The following CLIP1 variants were observed in gnomAD, a reference collection of about 807,000 sequenced individuals.
The protein encoded by CLIP1 is CAP-Gly domain-containing linker protein 1.
Under a neutral mutation model 161.6 loss-of-function variants are expected in CLIP1, and 66 were observed. The observed-to-expected ratio is 0.41, with a 90% confidence interval of 0.33 to 0.50. The LOEUF is 0.50. CLIP1 is among the 20% of genes least tolerant of loss of function. The pLI is 0.27. For missense variants in CLIP1, 1,376 were observed against 1,702.0 expected, an observed-to-expected ratio of 0.81 and a Z score of 3.37; for synonymous variants, 598 against 626.2, an observed-to-expected ratio of 0.96 and a Z score of 0.67.
chr12:122,389,987 T>C (rs768257618), intron 1 of CLIP1, among the ~76,000 whole-genome samples: 1 of 148,128 alleles, frequency 6.8e-6, no homozygotes, highest in Non-Finnish European at 1.5e-5. Context: ...TGGCACTTCC[T>C]CTCCCTCATT....
At chr12:122,374,386 C>T (rs1488215370) in intron 3 of CLIP1, among the ~76,000 whole-genome samples, 7 of 146,116 alleles carry the variant, frequency 4.8e-5, no homozygotes, top group Middle Eastern at 3.6e-3. Flanking sequence ...TTTGGGAGGC[C>T]GAGGCAGGCA....
rs576220992 is a variant in CLIP1, at chr12:122,273,475, T to A, written c.4092-375A>T. ...CAAGTTAGCCAAGTTGGTCTTGAAC[T>A]CCTGACCCCAGGTGATCTGCCCACC... On this transcript the variant is annotated intron_variant, in intron 25 of 25. Coordinates refer to ENST00000620786, the MANE Select transcript of CLIP1 (RefSeq NM_001247997.2). Among the ~76,000 whole-genome samples the A allele has an allele frequency of 9.2e-5, 14 of 152,254 alleles. No homozygotes were observed. In the East Asian group the frequency reaches 2.7e-3, roughly 29 times the overall value.
intron 15 of CLIP1, among the ~76,000 whole-genome samples, chr12:122,332,470 G>A (rs896459134): frequency 3.3e-5 from 5 of 151,752 alleles, no homozygotes; most frequent in Non-Finnish European, 5.9e-5. Flanking sequence ...GCCCAGGCTA[G>A]AGTGCAGTGG....
intron 1 of CLIP1, among the ~76,000 whole-genome samples, chr12:122,398,154 G>T (rs901955311): frequency 6.6e-6 from 1 of 151,368 alleles, no homozygotes; most frequent in Non-Finnish European, 1.5e-5. Flanking sequence ...GGTGGCTCAT[G>T]CCTGTAATCG....
intron 11 of CLIP1, among the ~76,000 whole-genome samples, chr12:122,339,376 C>T (rs1324173807): frequency 2.0e-5 from 3 of 152,070 alleles, no homozygotes; most frequent in Admixed American, 6.6e-5. Context: ...CTTGCTCTGT[C>T]GCCCAGGATG....
chr12:122,394,710 ACCG>A (rs1955836376), intron 1 of CLIP1, among the ~76,000 whole-genome samples: 2 of 149,314 alleles, frequency 1.3e-5, no homozygotes, highest in East Asian at 2.0e-4. Flanking sequence ...ACATGGTGGA[ACCG>A]CATCTCTACT....
chr12:122,344,352 G>A (rs1438108483), intron 10 of CLIP1, among the ~76,000 whole-genome samples: 2 of 151,964 alleles, frequency 1.3e-5, no homozygotes, highest in East Asian at 3.9e-4. Context: ...ATTTTCTGGG[G>A]AAGGAAGAGT....
chr12:122,344,592 C>T lies in CLIP1; in HGVS notation c.1506+2783G>A, dbSNP rs1952658435. Among the ~76,000 whole-genome samples the T allele has an allele frequency of 2.0e-5, 3 of 152,006 alleles. No individual in the cohort carries two copies. The South Asian group carries it at 6.2e-4, about 32-fold the overall frequency. On this transcript the variant is annotated intron_variant, in intron 10 of 25. Transcript: ENST00000620786. ...AAAAATAAGTAAAAATAATAAATAC[C>T]AATGTGATTTTACTTTCCGTGGCAT...
Position 122,377,525 on chromosome 12 carries a change from G to A in CLIP1, c.521C>T (p.Pro174Leu). The change falls in exon 3 of 26, where the codon CCA becomes CTA. Residue 174 changes from proline (P) to leucine (L), a missense_variant. This residue lies in a region of CLIP1 where 119 missense variants were observed against 112.0 expected (regional missense o/e 1.06). Transcript: ENST00000620786. ...CGTAGCTGAAGGTTCCTTTGCTGCT[G>A]GCTGTGATGGTTTCTGAGGGATGTT... ...PSNIPQKPSQ[P>L]AAKEPSATPP... The A allele has an allele frequency of 9.3e-6, 15 of 1,614,014 alleles. No individual in the cohort carries two copies. Among genetic ancestry groups the A allele is most frequent in the Non-Finnish European group, 1.3e-5 (15 of 1,180,026 alleles).
intron 10 of CLIP1, among the ~76,000 whole-genome samples, chr12:122,346,515 T>G (rs112926637): frequency 1.7e-3 from 253 of 152,220 alleles, no homozygotes; most frequent in Non-Finnish European, 2.7e-3. Flanking sequence ...TTTGTTTTGT[T>G]TTTTCCAGAC....
In CLIP1 at chr12:122,377,462, G is replaced by C. The variant is rs1954796261; in HGVS notation, c.584C>G (p.Ser195Cys). The C allele has an allele frequency of 6.2e-7, 1 of 1,614,124 alleles. No individual in the cohort carries two copies. The highest frequency in any genetic ancestry group is 8.5e-7 in the Non-Finnish European group (1 of 1,180,022). The change falls in exon 3 of 26, where the codon TCT becomes TGT. Residue 195 changes from serine (S) to cysteine (C), a missense_variant. Transcript: ENST00000620786. Reference protein sequence around the residue: ...ISNLTKTASESISNLSEAGSI... With the variant: ...ISNLTKTASECISNLSEAGSI... ...GCCAGCCTCTGAAAGGTTGGAGATA[G>C]ATTCACTGGCAGTTTTTGTAAGGTT...
intron 1 of CLIP1, among the ~76,000 whole-genome samples, chr12:122,393,166 G>GTTTT (rs55816714): frequency 7.2e-6 from 1 of 139,186 alleles, no homozygotes. Flanking sequence ...TGGCAATCTT[G>GTTTT]TTTTTTTTTT....
chr12:122,353,071 T>C (rs554511799), intron 7 of CLIP1, among the ~76,000 whole-genome samples: 10 of 151,706 alleles, frequency 6.6e-5, no homozygotes, highest in African/African-American at 1.7e-4. Context: ...CTTAGAGACA[T>C]AGCAAGTTTA....
chr12:122,339,341 T>G (rs1179013145), intron 11 of CLIP1, among the ~76,000 whole-genome samples: 1 of 152,162 alleles, frequency 6.6e-6, no homozygotes. Context: ...AGCATGGGTT[T>G]TTTTTTGTTT....
chr12:122,315,184 G>C (rs932453970), intron 19 of CLIP1, among the ~76,000 whole-genome samples: 2 of 152,180 alleles, frequency 1.3e-5, no homozygotes, highest in African/African-American at 4.8e-5. Flanking sequence ...TAAAACAGCA[G>C]TTTGGAACTG....
intron 21 of CLIP1, among the ~76,000 whole-genome samples, chr12:122,283,521 C>T (rs1306492083): frequency 9.5e-5 from 14 of 147,424 alleles, no homozygotes; most frequent in South Asian, 4.2e-4. Flanking sequence ...TGCAGTGGTG[C>T]GATCTCGGCT....
At chr12:122,339,268 T>A (rs762137691) in intron 11 of CLIP1, among the ~76,000 whole-genome samples, 9 of 152,152 alleles carry the variant, frequency 5.9e-5, no homozygotes, top group Non-Finnish European at 8.8e-5. Flanking sequence ...TCCAATGAGA[T>A]TTCTGCCATG....
chr12:122,377,836 C>T lies in CLIP1; in HGVS notation c.210G>A (p.Lys70=), dbSNP rs932268507. 7 of 1,613,876 alleles carry T rather than the reference C, an allele frequency of 4.3e-6. No individual in the cohort carries two copies. In the African/African-American group the frequency reaches 8.0e-5, roughly 18 times the overall value. ...VGERVWVNGN[K]PGFIQFLGET... ...CTCCAAGAAACTGGATAAATCCAGG[C>T]TTATTTCCATTCACCCAAACTCGCT... The change falls in exon 3 of 26, where the codon AAG becomes AAA. Residue 70 remains lysine, a synonymous_variant. Coordinates refer to ENST00000620786, the MANE Select transcript of CLIP1 (RefSeq NM_001247997.2).
chr12:122,417,024 G>A (rs1052449178), intron 1 of CLIP1, among the ~76,000 whole-genome samples: 4 of 152,076 alleles, frequency 2.6e-5, no homozygotes, highest in African/African-American at 9.7e-5. Flanking sequence ...TGGGCCAGGC[G>A]CAGTGGCTCA....
Sources: allele counts gnomAD v4.1 joint callset (sites outside exome capture counted in the v4.1 genomes callset), GRCh38; gene constraint gnomAD v4.1.1; regional missense constraint gnomAD v4.1.1; transcripts MANE v1.5; gene names NCBI Gene and HGNC (gene_info 2026-07-23, HGNC 2026-07-21).